The following ADAMTSL1 variants were observed in gnomAD, a reference collection of about 807,000 sequenced individuals.
ADAMTSL1 encodes ADAMTS-like protein 1.
A neutral mutation model predicts 201.8 loss-of-function variants in ADAMTSL1; 126 were observed. The ratio of observed to expected loss-of-function variants is 0.62; its 90% CI spans 0.54 to 0.72. The LOEUF (loss-of-function observed/expected upper bound fraction) is 0.72. ADAMTSL1 is among the 30% of genes least tolerant of loss of function. ADAMTSL1 has a pLI of 0.00. For synonymous variants in ADAMTSL1, 1,121 were observed against 903.4 expected, an observed-to-expected ratio of 1.24 and a Z score of -4.32; for missense variants, 2,679 against 2,277.8, an observed-to-expected ratio of 1.18 and a Z score of -3.59.
At chr9:18,521,893 A>C (rs1232337439) in intron 2 of ADAMTSL1, among the ~76,000 whole-genome samples, 2 of 152,292 alleles carry the variant, frequency 1.3e-5, no homozygotes, top group African/African-American at 2.4e-5. Context: ...CTTGTCATCT[A>C]ACTCCTCTTT....
chr9:18,505,092 C>G (rs1823054317), intron 2 of ADAMTSL1, 136 bp downstream of exon 2: 1 of 1,167,392 alleles, frequency 8.6e-7, no homozygotes. Context: ...AAGGAACGTA[C>G]AAATAATTAA....
At chr9:18,480,626 A>C (rs1420271362) in intron 1 of ADAMTSL1, among the ~76,000 whole-genome samples, 1 of 152,192 alleles carries the variant, frequency 6.6e-6, no homozygotes, top group Non-Finnish European at 1.5e-5. Context: ...TTAAGAAATA[A>C]CATATGCTTC....
intron 14 of ADAMTSL1, among the ~76,000 whole-genome samples, chr9:18,720,226 G>A (rs1033381241): frequency 2.0e-5 from 3 of 152,068 alleles, no homozygotes; most frequent in African/African-American, 7.2e-5. Flanking sequence ...TCAGTACTAA[G>A]GGCACAGCCA....
At chr9:18,390,313 G>C (rs540224276) in intron 2 of ADAMTSL1, among the ~76,000 whole-genome samples, 1 of 152,146 alleles carries the variant, frequency 6.6e-6, no homozygotes, top group Non-Finnish European at 1.5e-5. Context: ...ACACTGACAC[G>C]TAGGGCATGC....
intron 1 of ADAMTSL1, among the ~76,000 whole-genome samples, chr9:18,049,920 G>T (rs191296414): frequency 1.8e-4 from 28 of 152,270 alleles, no homozygotes; most frequent in African/African-American, 6.5e-4. Flanking sequence ...ACCGTGCCCG[G>T]CCCGGACTTC....
rs115513044 is a variant in ADAMTSL1, at chr9:18,048,062, G to A, written c.88-115800G>A. ...ATTTAGGGACAGGGAGTAAACATTT[G>A]ACACTATGCTTCTGGCATCATTATC... On this transcript the variant is annotated intron_variant, in intron 1 of 29. Transcript: ENST00000680146. Among the ~76,000 whole-genome samples the A allele has an allele frequency of 4.0e-3, 603 of 152,318 alleles. 6 individuals are homozygous for A. Among genetic ancestry groups the A allele is most frequent in the African/African-American group, 0.014 (575 of 41,574 alleles).
chr9:18,572,319 C>T (rs1055319168), intron 3 of ADAMTSL1, among the ~76,000 whole-genome samples: 10 of 152,054 alleles, frequency 6.6e-5, no homozygotes, highest in South Asian at 2.1e-4. Context: ...ACAAAATAAA[C>T]GTGTAAACAG....
At chr9:17,978,957 G>A (rs967661344) in intron 1 of ADAMTSL1, among the ~76,000 whole-genome samples, 2 of 43,528 alleles carry the variant, frequency 4.6e-5, no homozygotes, top group Non-Finnish European at 1.2e-4. Flanking sequence ...ATTCTTGGTT[G>A]ACAGTTTTTT....
At chr9:18,155,132 T>C (rs1827095361) in intron 1 of ADAMTSL1, among the ~76,000 whole-genome samples, 1 of 152,062 alleles carries the variant, frequency 6.6e-6, no homozygotes, top group Non-Finnish European at 1.5e-5. Flanking sequence ...TATTTTCTTC[T>C]ATTTTGTTTC....
At chr9:18,211,191 T>C (rs541643938) in intron 2 of ADAMTSL1, among the ~76,000 whole-genome samples, 2 of 152,320 alleles carry the variant, frequency 1.3e-5, no homozygotes, top group African/African-American at 4.8e-5. Flanking sequence ...GTTTTCACAC[T>C]TGCCAATTCC....
chr9:18,423,070 C>G (rs911230940), intron 2 of ADAMTSL1, among the ~76,000 whole-genome samples: 8 of 152,268 alleles, frequency 5.3e-5, no homozygotes, highest in African/African-American at 1.9e-4. Context: ...TCTTTAATTT[C>G]TTTCCCCTTC....
chr9:18,200,521 T>G (rs867251345), intron 2 of ADAMTSL1, among the ~76,000 whole-genome samples: 21 of 152,174 alleles, frequency 1.4e-4, no homozygotes, highest in Middle Eastern at 3.4e-3. Context: ...CGCATACATT[T>G]TTCTTAGTCT....
chr9:18,657,508 C>T lies in ADAMTSL1; in HGVS notation c.835-131C>T, dbSNP rs1828768209. On this transcript the variant is annotated intron_variant, in intron 7 of 28. Transcript: ENST00000380548. ...AGGATACATGATACTGCCATTGCCACTTCTCCCGCAGTGCAGTCCCTCACA... is the reference window on the plus strand; with the variant it reads ...AGGATACATGATACTGCCATTGCCATTTCTCCCGCAGTGCAGTCCCTCACA... 3 of 636,330 alleles carry T rather than the reference C, an allele frequency of 4.7e-6. No homozygotes were observed. The African/African-American group carries it at 5.4e-5, about 12-fold the overall frequency. The allele number at this position is 636,330 out of a possible 1,614,324, so 39.4% of individuals were successfully genotyped here.
At chr9:18,388,915 C>T (rs1837926994) in intron 2 of ADAMTSL1, among the ~76,000 whole-genome samples, 1 of 151,934 alleles carries the variant, frequency 6.6e-6, no homozygotes, top group Non-Finnish European at 1.5e-5. Context: ...TGCCACCTCA[C>T]CCGGCTAATT....
intron 23 of ADAMTSL1, among the ~76,000 whole-genome samples, chr9:18,844,215 T>C (rs1410607387): frequency 2.0e-5 from 3 of 152,188 alleles, no homozygotes; most frequent in African/African-American, 4.8e-5. Context: ...GGGTTTTTGG[T>C]GTGGATGTCT....
intron 1 of ADAMTSL1, among the ~76,000 whole-genome samples, chr9:18,024,181 A>G (rs1222813839): frequency 1.3e-5 from 2 of 152,170 alleles, no homozygotes; most frequent in Non-Finnish European, 2.9e-5. Flanking sequence ...AATGTTTTAT[A>G]ATTACTATGG....
chr9:18,658,465 A>G (rs1231230303), intron 8 of ADAMTSL1, among the ~76,000 whole-genome samples: 1 of 152,222 alleles, frequency 6.6e-6, no homozygotes, highest in East Asian at 1.9e-4. Flanking sequence ...TAATTAGAGA[A>G]AATAGTTTGC....
At chr9:18,161,911 T>A (rs1827406067) in intron 1 of ADAMTSL1, among the ~76,000 whole-genome samples, 1 of 152,088 alleles carries the variant, frequency 6.6e-6, no homozygotes, top group Non-Finnish European at 1.5e-5. Flanking sequence ...TTAGTTCTTA[T>A]GAAACTCAGT....
chr9:18,178,170 C>T (rs1424245164), intron 2 of ADAMTSL1, among the ~76,000 whole-genome samples: 1 of 152,190 alleles, frequency 6.6e-6, no homozygotes, highest in Non-Finnish European at 1.5e-5. Flanking sequence ...TGGGTGAGCG[C>T]ACTGTGCGCG....
Sources: gnomAD v4.1 joint callset for allele counts (sites outside exome capture counted in the v4.1 genomes callset) on GRCh38, gnomAD v4.1.1 for gene constraint, MANE v1.5 for transcripts, NCBI Gene and HGNC (gene_info 2026-07-23, HGNC 2026-07-21) for gene names.